The following ASXL3 variants were observed in gnomAD, a reference collection of about 807,000 sequenced individuals.
ASXL3 encodes ASXL transcriptional regulator 3.
ASXL3 carries 34 observed loss-of-function variants against 170.6 expected under a neutral mutation model. The ratio of observed to expected loss-of-function variants is 0.20; its 90% CI spans 0.15 to 0.27. The LOEUF (loss-of-function observed/expected upper bound fraction) is 0.27, where lower values mean the gene tolerates loss of function less well. Ranked by LOEUF, ASXL3 falls within the 10% of genes least tolerant of loss-of-function variation. The pLI is 1.00. For missense variants in ASXL3, 2,592 were observed against 2,695.3 expected (o/e 0.96, Z 0.85); for synonymous variants, 1,002 against 989.1 (o/e 1.01, Z -0.24).
chr18:33,714,469 G>T (rs1280276468), intron 8 of ASXL3, among the ~76,000 whole-genome samples: 1 of 152,136 alleles, frequency 6.6e-6, no homozygotes, highest in Non-Finnish European at 1.5e-5. Context: ...CTATGCCATA[G>T]AACTTTAGAT....
Position 33,630,178 on chromosome 18 carries a change from G to A in ASXL3, c.138-14716G>A, listed in dbSNP as rs533265796. 4.6e-5 allele frequency among the ~76,000 whole-genome samples: 7 copies of A among 152,068 alleles called. No homozygotes were observed. In the South Asian group the frequency reaches 1.4e-3, roughly 31 times the overall value. ...TACTAAGTCTGGGGAGGGGAAGGGT[G>A]CTTAAATTCACTGCTCTTTCTAGTT... On this transcript the variant is annotated intron_variant, in intron 2 of 11. Transcript: ENST00000269197.
chr18:33,600,729 A>G (rs1016580777), intron 1 of ASXL3, among the ~76,000 whole-genome samples: 20 of 152,284 alleles, frequency 1.3e-4, no homozygotes, highest in African/African-American at 4.8e-4. Context: ...TCAATTGCAT[A>G]GAATTTCATC....
intron 8 of ASXL3, among the ~76,000 whole-genome samples, chr18:33,696,115 C>G (rs548202068): frequency 1.3e-5 from 2 of 152,040 alleles, no homozygotes; most frequent in Non-Finnish European, 2.9e-5. Context: ...AGGTGTCATA[C>G]AGTGAGTCTC....
chr18:33,716,582 T>C (rs1420176034), intron 8 of ASXL3, among the ~76,000 whole-genome samples: 1 of 152,146 alleles, frequency 6.6e-6, no homozygotes, highest in African/African-American at 2.4e-5. Flanking sequence ...TTTAGGATTT[T>C]TGTGTAGGTG....
In ASXL3 at chr18:33,745,181, T is replaced by A; in HGVS notation, c.5333T>A (p.Leu1778His). Residue 1778 changes from leucine to histidine, a missense_variant, in exon 12 of 12, where the codon CTT becomes CAT. By Grantham distance (99) the Leu-to-His change is moderately conservative. Transcript: ENST00000269197. ...GGAGCCAAGCTTGAAATCAACAGGC[T>A]TCCATTGCCTCTTCAAACTACCTCA... ...RLGAKLEINR[L>H]PLPLQTTSVG... The A allele has an allele frequency of 6.2e-7, 1 of 1,613,984 alleles. No homozygotes were observed. The highest frequency in any genetic ancestry group is 8.5e-7 in the Non-Finnish European group (1 of 1,179,890).
rs752977390 is a variant in ASXL3, at chr18:33,745,901, C to G, written c.6053C>G (p.Pro2018Arg). ...CCAAACAAAGCACTAGTACATCCGC[C>G]GCCGCCACCGCCTCCCCCTCCCCCT... Reference protein sequence around the residue: ...TMPNKALVHPPPPPPPPPPPP... With the variant: ...TMPNKALVHPRPPPPPPPPPP... Residue 2018 changes from proline (P) to arginine (R), a missense_variant, in exon 12 of 12, where the codon CCG becomes CGG. By Grantham distance (103) the Pro-to-Arg change is moderately radical. Transcript: ENST00000269197. 2 of 1,608,734 alleles carry G rather than the reference C, an allele frequency of 1.2e-6. No individual in the cohort carries two copies. Among genetic ancestry groups the G allele is most frequent in the Non-Finnish European group, 1.7e-6 (2 of 1,178,748 alleles).
chr18:33,633,843 C>CAAAAAA (rs59859337), intron 2 of ASXL3, among the ~76,000 whole-genome samples: 1 of 86,914 alleles, frequency 1.2e-5, no homozygotes, highest in Non-Finnish European at 2.4e-5. Flanking sequence ...GACTCCATCT[C>CAAAAAA]AAAAAAAAAA....
At chr18:33,585,235 G>A (rs1255739054) in intron 1 of ASXL3, among the ~76,000 whole-genome samples, 2 of 152,100 alleles carry the variant, frequency 1.3e-5, no homozygotes, top group East Asian at 3.9e-4. Flanking sequence ...GGGCCAGGAG[G>A]AGGGGCATCT....
intron 1 of ASXL3, among the ~76,000 whole-genome samples, chr18:33,581,303 A>C (rs976399838): frequency 3.3e-5 from 5 of 152,144 alleles, no homozygotes; most frequent in Non-Finnish European, 7.4e-5. Context: ...ATCAAATATT[A>C]AATGAGGTGC....
At chr18:33,642,848 A>G (rs959348088) in intron 2 of ASXL3, among the ~76,000 whole-genome samples, 1 of 151,926 alleles carries the variant, frequency 6.6e-6, no homozygotes, top group Non-Finnish European at 1.5e-5. Context: ...AATGTAAATT[A>G]TAGTAATGTT....
intron 7 of ASXL3, among the ~76,000 whole-genome samples, chr18:33,682,443 G>A (rs2066529005): frequency 6.6e-6 from 1 of 152,180 alleles, no homozygotes; most frequent in Non-Finnish European, 1.5e-5. Context: ...TCATGATTTT[G>A]AGATGTGAAC....
At chr18:33,621,520 T>A (rs1428346709) in intron 2 of ASXL3, among the ~76,000 whole-genome samples, 1 of 152,178 alleles carries the variant, frequency 6.6e-6, no homozygotes, top group Non-Finnish European at 1.5e-5. Flanking sequence ...AGAGAGATTG[T>A]ACTATAATTT....
intron 1 of ASXL3, among the ~76,000 whole-genome samples, chr18:33,600,147 T>G (rs1184588640): frequency 6.7e-6 from 1 of 150,078 alleles, no homozygotes; most frequent in Non-Finnish European, 1.5e-5. Flanking sequence ...GCAAACTACT[T>G]TATATGAAGA....
chr18:33,597,673 T>C (rs773030493), intron 1 of ASXL3, among the ~76,000 whole-genome samples: 1 of 151,906 alleles, frequency 6.6e-6, no homozygotes, highest in East Asian at 1.9e-4. Context: ...ATTGTGATGG[T>C]GAAACACTTG....
chr18:33,706,383 G>A (rs751568007), intron 8 of ASXL3, among the ~76,000 whole-genome samples: 3 of 151,504 alleles, frequency 2.0e-5, no homozygotes, highest in African/African-American at 7.3e-5. Flanking sequence ...TCTAATTGTT[G>A]GGTCATAGAG....
In ASXL3 at chr18:33,750,733, C is replaced by G. The variant is rs1410037540; in HGVS notation, c.*4138C>G. ...ACAGATTGGGGGCGAAGGCCCTGAA[C>G]CTACATAGACATTTTATATCAGCAT... On this transcript the variant is annotated 3_prime_UTR_variant, in exon 12 of 12. Transcript: ENST00000269197. 1 of 152,176 alleles carries G rather than the reference C, an allele frequency of 6.6e-6. No individual in the cohort carries two copies. The highest frequency in any genetic ancestry group is 1.5e-5 in the Non-Finnish European group (1 of 68,038). The allele number at this position is 152,176 out of a possible 1,614,324, so 9.4% of individuals were successfully genotyped here. A position where few individuals can be genotyped will look rare whatever the true frequency, so the allele number is the denominator to read the frequency against.
chr18:33,584,343 C>T (rs547592948), intron 1 of ASXL3, among the ~76,000 whole-genome samples: 101 of 152,136 alleles, frequency 6.6e-4, no homozygotes, highest in African/African-American at 2.3e-3. Context: ...TTTTCATATT[C>T]AGTGAGTTTT....
intron 8 of ASXL3, among the ~76,000 whole-genome samples, chr18:33,704,740 C>T (rs1001043725): frequency 1.3e-5 from 2 of 151,846 alleles, no homozygotes; most frequent in African/African-American, 4.8e-5. Flanking sequence ...TGTACAGATT[C>T]GTTTTTATTC....
At chr18:33,727,620 C>T in intron 8 of ASXL3, among the ~76,000 whole-genome samples, 1 of 152,072 alleles carries the variant, frequency 6.6e-6, no homozygotes, top group East Asian at 1.9e-4. Flanking sequence ...TATAACTTAT[C>T]AATAGTTAGA....
Sources: gnomAD v4.1 joint callset for allele counts (sites outside exome capture counted in the v4.1 genomes callset) on GRCh38, gnomAD v4.1.1 for gene constraint, MANE v1.5 for transcripts, NCBI Gene and HGNC (gene_info 2026-07-23, HGNC 2026-07-21) for gene names.